SF3A3: variants seen among roughly 807,000 people sequenced by gnomAD.
SF3A3 encodes splicing factor 3a subunit 3, also known as SAP 61.
A neutral mutation model predicts 85.8 loss-of-function variants in SF3A3; 9 were observed. The ratio of observed to expected loss-of-function variants is 0.10; its 90% confidence interval spans 0.06 to 0.18. The LOEUF is 0.18. SF3A3 is among the 10% of genes least tolerant of loss of function. The pLI is 1.00. For missense variants in SF3A3, 306 were observed against 593.3 expected (o/e 0.52, Z 5.03); for synonymous variants, 195 against 204.4 (o/e 0.95, Z 0.39).
chr1:37,958,609 A>G (rs1646235800), intron 16 of SF3A3, among the ~76,000 whole-genome samples: 1 of 152,216 alleles, frequency 6.6e-6, no homozygotes, highest in African/African-American at 2.4e-5. Flanking sequence ...GCAGTTTTCA[A>G]ATGGTTCCCA....
At chr1:37,964,173 G>A (rs1012952444) in intron 15 of SF3A3, among the ~76,000 whole-genome samples, 5 of 150,728 alleles carry the variant, frequency 3.3e-5, no homozygotes, top group Admixed American at 6.6e-5. Flanking sequence ...GCGAGACTCC[G>A]TCTCAAATAA....
At chr1:37,978,648 A>G in intron 11 of SF3A3, 72 bp downstream of exon 11, 2 of 927,536 alleles carry the variant, frequency 2.2e-6, no homozygotes, top group South Asian at 1.6e-5. Flanking sequence ...TAAAGTCTCC[A>G]CTGTGGTTAA....
chr1:37,977,028 T>G, intron 11 of SF3A3, 75 bp from the exon 12 acceptor site: 1 of 982,464 alleles, frequency 1.0e-6, no homozygotes, highest in Admixed American at 1.8e-5. Flanking sequence ...CTGGGAACAT[T>G]TATTGCACAA....
intron 2 of SF3A3, among the ~76,000 whole-genome samples, chr1:37,988,627 C>T (rs1032342403): frequency 3.9e-5 from 6 of 152,274 alleles, no homozygotes; most frequent in Admixed American, 1.3e-4. Flanking sequence ...TGATAATCTC[C>T]TGCAAATCAG....
rs9293 is a variant in SF3A3 at position 37,958,181 on chromosome 1, G to C, written c.*5C>G. 1,398,000 of 1,590,772 alleles carry C rather than the reference G, an allele frequency of 0.88. 615,728 individuals carry two copies. Among genetic ancestry groups the C allele is most frequent in the East Asian group, 1 (44,771 of 44,794 alleles). ...AGCCCAAAAGCTGAGCTACATCCCT[G>C]AACACTAGAGCAGTCCTTGTCTTTT... On this transcript the variant is annotated 3_prime_UTR_variant, in exon 17 of 17. Coordinates refer to ENST00000373019, the MANE Select transcript of SF3A3 (RefSeq NM_006802.4).
At chr1:37,983,610 A>G (rs1163522153) in intron 6 of SF3A3, among the ~76,000 whole-genome samples, 1 of 142,560 alleles carries the variant, frequency 7.0e-6, no homozygotes, top group Admixed American at 7.1e-5. Context: ...AAAAAAAAAG[A>G]TTTATTTTGG....
chr1:37,967,455 G>A lies in SF3A3; in HGVS notation c.1372+589C>T, dbSNP rs576203624. Among the ~76,000 whole-genome samples, 301 of 151,718 alleles carry A rather than the reference G, an allele frequency of 2.0e-3. 1 individual carries two copies. In the South Asian group the frequency reaches 0.029, roughly 15 times the overall value. Reference sequence around the variant, plus strand: ...AGCACTTTGGGAGGCCAAGGCGGGCGGATCATGAGGTCAGGAGATCAAGAC... The same window carrying A: ...AGCACTTTGGGAGGCCAAGGCGGGCAGATCATGAGGTCAGGAGATCAAGAC... On this transcript the variant is annotated intron_variant, in intron 15 of 16. Coordinates refer to ENST00000373019, the MANE Select transcript of SF3A3 (RefSeq NM_006802.4).
chr1:37,981,942 G>GTTTTTT lies in SF3A3; in HGVS notation c.469-132_469-131insAAAAAA, dbSNP rs533686369. On this transcript the variant is annotated intron_variant, in intron 6 of 16. Coordinates refer to ENST00000373019, the MANE Select transcript of SF3A3 (RefSeq NM_006802.4). ...GAAGTAACAAGGGCTGGCTAATTTT[G>GTTTTTT]GTTTTTTTTGCTTGCCTATCATTCA... 2.8e-5 allele frequency: 14 copies of GTTTTTT among 499,830 alleles called. No homozygotes were observed. The South Asian group carries it at 3.8e-4, about 14-fold the overall frequency. 31.0% of individuals were successfully genotyped at this position (499,830 alleles called of 1,614,324 possible).
intron 6 of SF3A3, among the ~76,000 whole-genome samples, chr1:37,982,373 A>AT (rs376912063): frequency 0.1 from 14,476 of 144,934 alleles, 771 homozygotes; most frequent in Non-Finnish European, 0.13. Flanking sequence ...GTGATAAGCT[A>AT]TTTTTTTTTT....
At chr1:37,986,528 AG>A (rs1646458159) in intron 4 of SF3A3, among the ~76,000 whole-genome samples, 1 of 151,696 alleles carries the variant, frequency 6.6e-6, no homozygotes, top group Non-Finnish European at 1.5e-5. Flanking sequence ...AGGGCATATG[AG>A]GGCCGGGCGC....
At position 37,979,227 on chromosome 1, in the gene SF3A3, C is replaced by T. The variant is rs912846706; in HGVS notation, c.760-172G>A. The T allele has an allele frequency of 5.4e-5, 34 of 633,134 alleles. No individual in the cohort carries two copies. In the East Asian group the frequency reaches 9.3e-4, roughly 17 times the overall value. 39.2% of individuals were successfully genotyped at this position (633,134 alleles called of 1,614,324 possible). A position where few individuals can be genotyped will look rare whatever the true frequency, so the allele number is the denominator to read the frequency against. On this transcript the variant is annotated intron_variant, in intron 9 of 16. Coordinates refer to ENST00000373019, the MANE Select transcript of SF3A3 (RefSeq NM_006802.4). ...GACTGAATCTATAGTTATCTTCAGA[C>T]TTAACCATACTGATAGTGTTCCATT...
At chr1:37,968,545 G>A (rs2148717706) in intron 14 of SF3A3, among the ~76,000 whole-genome samples, 1 of 152,310 alleles carries the variant, frequency 6.6e-6, no homozygotes, top group South Asian at 2.1e-4. Flanking sequence ...TAAAGGAGAA[G>A]ACTTTTATTA....
intron 14 of SF3A3, among the ~76,000 whole-genome samples, chr1:37,968,896 G>A (rs1017816967): frequency 9.9e-5 from 15 of 152,080 alleles, no homozygotes; most frequent in Non-Finnish European, 1.9e-4. Context: ...AGTATCATCC[G>A]GACAATACCC....
intron 8 of SF3A3, 106 bp downstream of exon 8, chr1:37,980,480 A>G (rs1646410357): frequency 8.3e-7 from 1 of 1,205,960 alleles, no homozygotes; most frequent in Non-Finnish European, 1.2e-6. Flanking sequence ...CACAAGTGAT[A>G]CCAAGGAATT....
In SF3A3 at chr1:37,978,562, T is replaced by C. The variant is rs541660717; in HGVS notation, c.935+158A>G. 2.2e-4 allele frequency among the ~76,000 whole-genome samples: 34 copies of C among 152,208 alleles called. No individual in the cohort carries two copies. The South Asian group carries it at 6.6e-3, about 30-fold the overall frequency. On this transcript the variant is annotated intron_variant, in intron 11 of 16. Transcript: ENST00000373019. ...GGTCCTTGGTTTATATTAACAGTGATAGTACTCTCTGCTATTAGCAGAGAT... is the reference window on the plus strand; with the variant it reads ...GGTCCTTGGTTTATATTAACAGTGACAGTACTCTCTGCTATTAGCAGAGAT...
intron 12 of SF3A3, among the ~76,000 whole-genome samples, chr1:37,976,020 G>A (rs1433731837): frequency 6.6e-6 from 1 of 152,166 alleles, no homozygotes; most frequent in African/African-American, 2.4e-5. Flanking sequence ...GTCGGGCGTG[G>A]TGGCGCATGC....
intron 16 of SF3A3, among the ~76,000 whole-genome samples, chr1:37,959,745 G>T (rs1305206782): frequency 2.0e-5 from 3 of 152,018 alleles, no homozygotes; most frequent in Non-Finnish European, 2.9e-5. Context: ...ATCACCTGAG[G>T]TGAGGAGTTT....
intron 12 of SF3A3, among the ~76,000 whole-genome samples, chr1:37,974,297 CTTTTTTTTT>C (rs61606709): frequency 2.0e-5 from 2 of 100,062 alleles, no homozygotes; most frequent in Non-Finnish European, 4.0e-5. Flanking sequence ...AAGATGACCA[CTTTTTTTTT>C]TTTTTTTTTT....
intron 12 of SF3A3, among the ~76,000 whole-genome samples, chr1:37,974,593 C>T (rs1202161469): frequency 6.6e-6 from 1 of 152,060 alleles, no homozygotes; most frequent in African/African-American, 2.4e-5. Flanking sequence ...TGAGCCACTG[C>T]GCCCGGCCCA....
Sources: gnomAD v4.1 joint callset for allele counts (sites outside exome capture counted in the v4.1 genomes callset) on GRCh38, gnomAD v4.1.1 for gene constraint, MANE v1.5 for transcripts, NCBI Gene and HGNC (gene_info 2026-07-23, HGNC 2026-07-21) for gene names.